The following OSBPL6 variants were observed in gnomAD, a reference collection of about 807,000 sequenced individuals.
OSBPL6 encodes oxysterol binding protein like 6.
In OSBPL6, 49 loss-of-function variants were observed where a neutral mutation model predicts 125.8. The observed-to-expected ratio is 0.39, with a 90% confidence interval of 0.31 to 0.49. OSBPL6 has a LOEUF of 0.49. Among genes scored for constraint, OSBPL6 ranks in the 20% least tolerant of loss-of-function variants. OSBPL6 has a pLI of 0.88. For synonymous variants in OSBPL6, 394 were observed against 391.8 expected (o/e 1.01, Z -0.07); for missense variants, 986 against 1,135.4 (o/e 0.87, Z 1.89).
chr2:178,337,958 T>TTTTTTTTTTTTTTTTTC (rs1341345045), intron 9 of OSBPL6, among the ~76,000 whole-genome samples: 9 of 151,504 alleles, frequency 5.9e-5, no homozygotes, highest in African/African-American at 1.9e-4. Context: ...TCTTTTTTTT[T>TTTTTTTTTTTTTTTTTC]TGAGACGGAG....
At chr2:178,251,563 A>G (rs1388361710) in intron 1 of OSBPL6, among the ~76,000 whole-genome samples, 1 of 152,052 alleles carries the variant, frequency 6.6e-6, no homozygotes, top group Non-Finnish European at 1.5e-5. Flanking sequence ...CTCAGAAACT[A>G]TAATATGTCA....
chr2:178,256,980 T>TA (rs965632162), intron 1 of OSBPL6, among the ~76,000 whole-genome samples: 15 of 150,696 alleles, frequency 1.0e-4, no homozygotes, highest in South Asian at 2.1e-4. Flanking sequence ...CAGACAAATT[T>TA]AAAAAAAAAA....
In OSBPL6 at chr2:178,401,953, G is replaced by C. The variant is rs77266660; in HGVS notation, c.*6394G>C. ...GTAGGAAAGTCTAGTTCAAGAACCG[G>C]AAACTGAGCCGGGCATGGTGGTGCG... On this transcript the variant is annotated 3_prime_UTR_variant, in exon 25 of 25. Coordinates refer to ENST00000190611, the MANE Select transcript of OSBPL6 (RefSeq NM_032523.4). The C allele has an allele frequency of 0.023, 3,550 of 152,224 alleles. 118 individuals are homozygous for C. The highest frequency in any genetic ancestry group is 0.19 in the East Asian group (957 of 5,160). The allele number at this position is 152,224 out of a possible 1,614,324, so 9.4% of individuals were successfully genotyped here. A position where few individuals can be genotyped will look rare whatever the true frequency, so the allele number is the denominator to read the frequency against.
chr2:178,344,351 G>A (rs1397741265), intron 11 of OSBPL6: 4 of 1,614,056 alleles, frequency 2.5e-6, no homozygotes, highest in Admixed American at 1.7e-5. Flanking sequence ...CGGCAGCAGT[G>A]GCTACAACAG....
At chr2:178,194,164 G>T (rs1268011271), upstream of OSBPL6, among the ~76,000 whole-genome samples, 4 of 152,196 alleles carry the variant, frequency 2.6e-5, no homozygotes, top group African/African-American at 9.6e-5. Flanking sequence ...GCTACTGCGC[G>T]CAGGCCCGCG....
chr2:178,208,556 CCT>C (rs911405366), intron 1 of OSBPL6, among the ~76,000 whole-genome samples: 5 of 151,934 alleles, frequency 3.3e-5, no homozygotes, highest in African/African-American at 1.2e-4. Context: ...TCAACACACA[CCT>C]CTCTCCTGTA....
intron 1 of OSBPL6, among the ~76,000 whole-genome samples, chr2:178,204,942 T>C (rs2089453511): frequency 6.6e-6 from 1 of 152,210 alleles, no homozygotes; most frequent in Non-Finnish European, 1.5e-5. Context: ...ACATTATTTC[T>C]CATCCTTACA....
At chr2:178,286,240 G>T (rs991768286) in intron 2 of OSBPL6, among the ~76,000 whole-genome samples, 1 of 152,104 alleles carries the variant, frequency 6.6e-6, no homozygotes, top group Non-Finnish European at 1.5e-5. Context: ...TAAAAATCTG[G>T]TCTTGTTACT....
chr2:178,303,991 T>A (rs964869519), intron 2 of OSBPL6, among the ~76,000 whole-genome samples: 1 of 152,246 alleles, frequency 6.6e-6, no homozygotes, highest in African/African-American at 2.4e-5. Context: ...AATGCCAATG[T>A]CTTAGTCCAC....
intron 1 of OSBPL6, among the ~76,000 whole-genome samples, chr2:178,276,937 C>T (rs1175313287): frequency 1.3e-5 from 2 of 152,152 alleles, no homozygotes; most frequent in Non-Finnish European, 2.9e-5. Context: ...AGTAGGTGCC[C>T]ACCACTTTTT....
Position 178,396,537 on chromosome 2 carries a change from T to C in OSBPL6, c.*978T>C, listed in dbSNP as rs1426568914. ...TTCCTGTGTGGGCTTAGTAGTACTA[T>C]AAATGTAATTGTTTTTGAGTGAAGC... On this transcript the variant is annotated 3_prime_UTR_variant, in exon 25 of 25. Coordinates refer to ENST00000190611, the MANE Select transcript of OSBPL6 (RefSeq NM_032523.4). 1 of 152,254 alleles carries C rather than the reference T, an allele frequency of 6.6e-6. No homozygotes were observed. The highest frequency in any genetic ancestry group is 1.5e-5 in the Non-Finnish European group (1 of 68,042). 9.4% of individuals were successfully genotyped at this position (152,254 alleles called of 1,614,324 possible). A position where few individuals can be genotyped will look rare whatever the true frequency, so the allele number is the denominator to read the frequency against.
intron 1 of OSBPL6, among the ~76,000 whole-genome samples, chr2:178,221,005 G>A (rs768929065): frequency 6.6e-6 from 1 of 152,218 alleles, no homozygotes; most frequent in Non-Finnish European, 1.5e-5. Flanking sequence ...TCTGCCCAGA[G>A]TGCCGTCTTT....
At chr2:178,265,264 TA>T (rs2092197175) in intron 1 of OSBPL6, among the ~76,000 whole-genome samples, 1 of 131,074 alleles carries the variant, frequency 7.6e-6, no homozygotes, top group Non-Finnish European at 1.6e-5. Flanking sequence ...CAGGCTGGAG[TA>T]CAGTGGTACA....
intron 1 of OSBPL6, among the ~76,000 whole-genome samples, chr2:178,227,048 A>G (rs1401594680): frequency 6.6e-6 from 1 of 152,222 alleles, no homozygotes. Flanking sequence ...TACACACAAA[A>G]GATGAAAGGA....
rs373229948 is a variant in OSBPL6, at chr2:178,331,651, G to T, written c.372+46G>T. 4 of 1,583,226 alleles carry T rather than the reference G, an allele frequency of 2.5e-6. No homozygotes were observed. The South Asian group carries it at 3.3e-5, about 13-fold the overall frequency. On this transcript the variant is annotated intron_variant, in intron 6 of 24. Transcript: ENST00000190611. ...GTTTCAAAGGTTGATTTCGAATTCT[G>T]CTTGAAGTGAGTAAACACTGTAATT...
chr2:178,208,284 T>TA lies in OSBPL6; in HGVS notation c.-351+13625dup, dbSNP rs538044941. On this transcript the variant is annotated intron_variant, in intron 1 of 24. Transcript: ENST00000190611. ...CTGGGTGACAGAGTAAGACTCTGTC[T>TA]AAAAAAAAAAAAAAAGAAAAAGAAA... Among the ~76,000 whole-genome samples, 568 of 111,632 alleles carry TA rather than the reference T, an allele frequency of 5.1e-3. 6 individuals are homozygous for TA. Among genetic ancestry groups the TA allele is most frequent in the Admixed American group, 0.031 (325 of 10,604 alleles). 73.2% of individuals were successfully genotyped at this position (111,632 alleles called of 152,430 possible). A position where few individuals can be genotyped will look rare whatever the true frequency, so the allele number is the denominator to read the frequency against.
intron 1 of OSBPL6, among the ~76,000 whole-genome samples, chr2:178,214,577 A>G (rs993961089): frequency 1.3e-5 from 2 of 152,148 alleles, no homozygotes; most frequent in African/African-American, 2.4e-5. Context: ...TAAGGCTTCA[A>G]CTGATTCAAT....
intron 13 of OSBPL6, among the ~76,000 whole-genome samples, chr2:178,366,390 G>A (rs1231631798): frequency 6.6e-6 from 1 of 152,196 alleles, no homozygotes; most frequent in Admixed American, 6.5e-5. Flanking sequence ...GTTAAACGCA[G>A]TGAGAGTTGG....
chr2:178,359,711 G>A (rs1692146854), intron 12 of OSBPL6, among the ~76,000 whole-genome samples: 1 of 152,166 alleles, frequency 6.6e-6, no homozygotes, highest in South Asian at 2.1e-4. Flanking sequence ...ACACAATGGA[G>A]TATTATTCAG....
Sources: gnomAD v4.1 joint callset for allele counts (sites outside exome capture counted in the v4.1 genomes callset) on GRCh38, gnomAD v4.1.1 for gene constraint, MANE v1.5 for transcripts, NCBI Gene and HGNC (gene_info 2026-07-23, HGNC 2026-07-21) for gene names.